GPHN: variants seen among roughly 807,000 people sequenced by gnomAD.
The protein encoded by GPHN is gephyrin.
In GPHN, 17 loss-of-function variants were observed where a neutral mutation model predicts 95.5. The observed-to-expected ratio is 0.18, with a 90% confidence interval of 0.12 to 0.27. The LOEUF is 0.27. Ranked by LOEUF, GPHN falls within the 10% of genes least tolerant of loss-of-function variation. The pLI is 1.00. For synonymous variants in GPHN, 320 were observed against 322.5 expected (o/e 0.99, Z 0.08); for missense variants, 660 against 978.1 (o/e 0.67, Z 4.34).
chr14:67,231,205 T>G, the GPHN span, among the ~76,000 whole-genome samples: 10 of 152,190 alleles, frequency 6.6e-5, no homozygotes, highest in African/African-American at 2.4e-4. Context: ...ATATGAAGAT[T>G]TAGGAGACAA....
the GPHN span, among the ~76,000 whole-genome samples, chr14:67,264,710 A>G: frequency 1.9e-3 from 293 of 152,260 alleles, no homozygotes; most frequent in Non-Finnish European, 3.4e-3. Context: ...TTTTGTCCAC[A>G]TTACCTTGTT....
rs561232033 is a variant in GPHN, at chr14:66,747,624, C to A, written c.144-28840C>A. Among the ~76,000 whole-genome samples the A allele has an allele frequency of 1.1e-3, 160 of 146,776 alleles. 1 individual carries two copies. The highest frequency in any genetic ancestry group is 1.5e-3 in the Non-Finnish European group (103 of 66,814). On this transcript the variant is annotated intron_variant, in intron 2 of 22. Coordinates refer to ENST00000478722, the MANE Select transcript of GPHN (RefSeq NM_020806.5). ...TATAGTACATTGTAAAAAAAAAAAA[C>A]AAAACTGCCCCAGAGTTAATGTTAA...
chr14:66,793,093 C>T (rs748723937), intron 3 of GPHN, among the ~76,000 whole-genome samples: 4 of 152,240 alleles, frequency 2.6e-5, no homozygotes, highest in African/African-American at 7.2e-5. Flanking sequence ...CCGGCGTGGG[C>T]CTTACAGCCA....
At chr14:67,301,410 G>T in the GPHN span, 82 of 1,609,844 alleles carry the variant, frequency 5.1e-5, no homozygotes, top group Non-Finnish European at 7.0e-5. Flanking sequence ...TTTGAAGCCA[G>T]TTCATCATAA....
intron 21 of GPHN, among the ~76,000 whole-genome samples, chr14:67,175,505 G>A (rs1283807261): frequency 1.3e-5 from 2 of 152,166 alleles, no homozygotes; most frequent in African/African-American, 4.8e-5. Flanking sequence ...TTGCAGTCAG[G>A]TAGCGTGATG....
chr14:67,619,879 C>A, the GPHN span: 36 of 820,574 alleles, frequency 4.4e-5, no homozygotes, highest in South Asian at 6.2e-4. Flanking sequence ...CGGGCGGACG[C>A]TGGCGCGGGT....
chr14:67,548,756 CTT>C, the GPHN span, among the ~76,000 whole-genome samples: 3 of 152,194 alleles, frequency 2.0e-5, no homozygotes, highest in Non-Finnish European at 2.9e-5. Context: ...AGCTTAAAAA[CTT>C]CTAACTGAAG....
At chr14:66,952,945 C>T (rs1442302523) in intron 8 of GPHN, among the ~76,000 whole-genome samples, 1 of 151,796 alleles carries the variant, frequency 6.6e-6, no homozygotes, top group Non-Finnish European at 1.5e-5. Context: ...CTTCCAGCCT[C>T]GGCCCCCTAA....
At chr14:66,704,903 T>TA (rs1179864012) in intron 2 of GPHN, among the ~76,000 whole-genome samples, 1 of 151,948 alleles carries the variant, frequency 6.6e-6, no homozygotes, top group Admixed American at 6.5e-5. Context: ...ATTAACACAG[T>TA]AGATAGACTG....
At chr14:67,431,738 G>T in the GPHN span, among the ~76,000 whole-genome samples, 1 of 149,734 alleles carries the variant, frequency 6.7e-6, no homozygotes, top group African/African-American at 2.6e-5. Flanking sequence ...CGGCAAAAAA[G>T]GTTGGGGAAA....
intron 8 of GPHN, among the ~76,000 whole-genome samples, chr14:66,931,404 A>T (rs1248823390): frequency 2.6e-5 from 4 of 151,978 alleles, no homozygotes; most frequent in Non-Finnish European, 4.4e-5. Context: ...CTATGTTTTG[A>T]AAGATCTTTG....
At chr14:67,064,734 G>A (rs746714206) in intron 11 of GPHN, among the ~76,000 whole-genome samples, 4 of 152,138 alleles carry the variant, frequency 2.6e-5, no homozygotes, top group Non-Finnish European at 4.4e-5. Context: ...GGTGTTTATG[G>A]TATTCTCTGA....
intron 4 of GPHN, among the ~76,000 whole-genome samples, chr14:66,848,147 TA>T (rs1183388684): frequency 6.6e-6 from 1 of 152,120 alleles, no homozygotes; most frequent in Non-Finnish European, 1.5e-5. Flanking sequence ...TTATAATATT[TA>T]GTACTTATGA....
intron 16 of GPHN, among the ~76,000 whole-genome samples, chr14:67,117,604 C>A (rs2078764851): frequency 6.6e-6 from 1 of 152,102 alleles, no homozygotes; most frequent in Non-Finnish European, 1.5e-5. Context: ...AAATCTCTCC[C>A]AAAGCCAGTT....
intron 4 of GPHN, among the ~76,000 whole-genome samples, chr14:66,864,292 T>G (rs1273469435): frequency 2.6e-5 from 4 of 152,148 alleles, no homozygotes; most frequent in Non-Finnish European, 5.9e-5. Flanking sequence ...TTAAATGGCT[T>G]TTATCCGAAA....
intron 11 of GPHN, among the ~76,000 whole-genome samples, chr14:67,076,295 AC>A (rs148282521): frequency 0.027 from 4,157 of 152,322 alleles, 75 homozygotes; most frequent in Non-Finnish European, 0.036. Context: ...TTCACATAAT[AC>A]TATTTCACAC....
intron 1 of GPHN, among the ~76,000 whole-genome samples, chr14:66,648,904 G>C (rs997792718): frequency 1.2e-4 from 18 of 152,290 alleles, no homozygotes; most frequent in African/African-American, 3.8e-4. Flanking sequence ...GTTCACCTAA[G>C]GAGACTCAGG....
At chr14:66,609,925 TGTCATTTCA>T (rs1477586527) in intron 1 of GPHN, among the ~76,000 whole-genome samples, 1 of 152,214 alleles carries the variant, frequency 6.6e-6, no homozygotes, top group Non-Finnish European at 1.5e-5. Context: ...CTGAATTGTC[TGTCATTTCA>T]GTCATTTCAA....
intron 2 of GPHN, among the ~76,000 whole-genome samples, chr14:66,723,136 T>G (rs888068178): frequency 6.6e-6 from 1 of 152,132 alleles, no homozygotes; most frequent in African/African-American, 2.4e-5. Flanking sequence ...CACTGTAACT[T>G]TGCACTGCTG....
Sources: gnomAD v4.1 joint callset for allele counts (sites outside exome capture counted in the v4.1 genomes callset) on GRCh38, gnomAD v4.1.1 for gene constraint, MANE v1.5 for transcripts, NCBI Gene and HGNC (gene_info 2026-07-23, HGNC 2026-07-21) for gene names.